Variants in DELE1 observed in about 807,000 individuals in gnomAD.
The protein encoded by DELE1 is death ligand signal enhancer.
A neutral mutation model predicts 59.3 loss-of-function variants in DELE1; 54 were observed. The observed-to-expected ratio is 0.91, with a 90% confidence interval of 0.73 to 1.14. The LOEUF is 1.14. DELE1 is among the 50% of genes most tolerant of loss of function. DELE1 has a pLI of 0.00. For missense variants in DELE1, 636 were observed against 643.9 expected, an observed-to-expected ratio of 0.99 and a Z score of 0.13; for synonymous variants, 264 against 259.1, an observed-to-expected ratio of 1.02 and a Z score of -0.18.
chr5:141,940,547 C>T lies in DELE1; in HGVS notation c.*1788C>T, dbSNP rs1596630560. On this transcript the variant is annotated 3_prime_UTR_variant, in exon 12 of 12. Coordinates refer to ENST00000432126, the MANE Select transcript of DELE1 (RefSeq NM_014773.5). Reference sequence around the variant, plus strand: ...TCCACGTTTCCCTCTCTGCTTCCCACCCCATCTCTCTCAACTTCTTAGTGG... The same window carrying T: ...TCCACGTTTCCCTCTCTGCTTCCCATCCCATCTCTCTCAACTTCTTAGTGG... The T allele has an allele frequency of 1.0e-6, 1 of 985,474 alleles. No homozygotes were observed. The highest frequency in any genetic ancestry group is 5.2e-4 in the Middle Eastern group (1 of 1,916). The allele number at this position is 985,474 out of a possible 1,614,324, so 61.0% of individuals were successfully genotyped here.
chr5:141,941,669 C>T lies in DELE1; in HGVS notation c.*2910C>T, dbSNP rs776412799. Reference sequence around the variant, plus strand: ...AATGAGACCTTTGTGGGAAGCTCTACTGCCTCAGTTTCCCTATCCGGAGAT... The same window carrying T: ...AATGAGACCTTTGTGGGAAGCTCTATTGCCTCAGTTTCCCTATCCGGAGAT... On this transcript the variant is annotated 3_prime_UTR_variant, in exon 12 of 12. Transcript: ENST00000432126. 1 of 985,448 alleles carries T rather than the reference C, an allele frequency of 1.0e-6. No homozygotes were observed. The allele number at this position is 985,448 out of a possible 1,614,324, so 61.0% of individuals were successfully genotyped here.
At position 141,939,622 on chromosome 5, in the gene DELE1, A is replaced by G. The variant is rs985369044; in HGVS notation, c.*863A>G. On this transcript the variant is annotated 3_prime_UTR_variant, in exon 12 of 12. Coordinates refer to ENST00000432126, the MANE Select transcript of DELE1 (RefSeq NM_014773.5). ...GAGAGATATCACAATTTGAGTCCCA[A>G]AGAAGAGGCCAGATACCCACCCACC... The G allele has an allele frequency of 1.2e-5, 12 of 985,732 alleles. No homozygotes were observed. The highest frequency in any genetic ancestry group is 8.4e-6 in the Non-Finnish European group (7 of 829,968). 61.1% of individuals were successfully genotyped at this position (985,732 alleles called of 1,614,324 possible). A position where few individuals can be genotyped will look rare whatever the true frequency, so the allele number is the denominator to read the frequency against.
chr5:141,928,240 C>T lies in DELE1; in HGVS notation c.354C>T (p.Cys118=), dbSNP rs2126871400. The T allele has an allele frequency of 1.2e-6, 2 of 1,614,246 alleles. No homozygotes were observed. Among genetic ancestry groups the T allele is most frequent in the East Asian group, 2.2e-5 (1 of 44,888 alleles). ...LPAGPQRVEH[C]SWHSPLDRFF... Reference sequence around the variant, plus strand: ...CAGGACCTCAGCGGGTAGAACACTGCTCCTGGCACAGTCCCCTGGACCGTT... The same window carrying T: ...CAGGACCTCAGCGGGTAGAACACTGTTCCTGGCACAGTCCCCTGGACCGTT... Residue 118 remains cysteine (C), a synonymous_variant, in exon 4 of 12, where the codon TGC becomes TGT. Coordinates refer to ENST00000432126, the MANE Select transcript of DELE1 (RefSeq NM_014773.5).
intron 3 of DELE1, among the ~76,000 whole-genome samples, chr5:141,927,689 G>T (rs966330605): frequency 1.3e-5 from 2 of 152,190 alleles, no homozygotes; most frequent in African/African-American, 2.4e-5. Flanking sequence ...AGGAGGGGTT[G>T]TGCAAGACTG....
In DELE1 at chr5:141,930,266, A is replaced by G. The variant is rs1247724509; in HGVS notation, c.746A>G (p.Asn249Ser). 5 of 1,612,300 alleles carry G rather than the reference A, an allele frequency of 3.1e-6. No individual in the cohort carries two copies. The highest frequency in any genetic ancestry group is 2.2e-5 in the South Asian group (2 of 91,042). Residue 249 changes from asparagine (N) to serine (S), a missense_variant, in exon 7 of 12, where the codon AAC (asparagine) becomes AGC (serine). Asn to Ser is a conservative substitution (Grantham distance 46, BLOSUM62 1). Coordinates refer to ENST00000432126, the MANE Select transcript of DELE1 (RefSeq NM_014773.5). ...LFQLSVSIAF[N>S]FLGTENMKSG... ...CAGCTCAGTGTTTCCATCGCTTTCA[A>G]CTTCCTGGGTAACCAAATGGACCCT...
Position 141,941,136 on chromosome 5 carries a change from C to T in DELE1, c.*2377C>T, listed in dbSNP as rs114732558. On this transcript the variant is annotated 3_prime_UTR_variant, in exon 12 of 12. Coordinates refer to ENST00000432126, the MANE Select transcript of DELE1 (RefSeq NM_014773.5). ...GAGCCCCACTCCCCAGCCTCCTCCCCTCTGTGGTCATTTTGGATTTTCTGA... is the reference window on the plus strand; with the variant it reads ...GAGCCCCACTCCCCAGCCTCCTCCCTTCTGTGGTCATTTTGGATTTTCTGA... 6.2e-4 allele frequency: 613 copies of T among 985,492 alleles called. 2 individuals carry two copies. The African/African-American group carries it at 9.6e-3, about 16-fold the overall frequency. 61.0% of individuals were successfully genotyped at this position (985,492 alleles called of 1,614,324 possible).
chr5:141,933,106 AAAAAAATATATAT>A (rs1457000642), intron 7 of DELE1, among the ~76,000 whole-genome samples, 140 bp from the exon 8 acceptor site: 1 of 137,538 alleles, frequency 7.3e-6, no homozygotes, highest in African/African-American at 2.9e-5. Context: ...AAAAAAAAAA[AAAAAAATATATAT>A]ATATATATAT....
At chr5:141,924,527 A>G (rs969073207) in intron 1 of DELE1, 54 bp from the exon 2 acceptor site, 2 of 999,648 alleles carry the variant, frequency 2.0e-6, no homozygotes, top group Admixed American at 1.7e-5. Flanking sequence ...GAGGCAGATG[A>G]CAGTGATTCC....
intron 7 of DELE1, among the ~76,000 whole-genome samples, chr5:141,930,974 A>G (rs1438280760): frequency 2.6e-5 from 4 of 152,246 alleles, no homozygotes; most frequent in Non-Finnish European, 4.4e-5. Flanking sequence ...TACTGGGGAT[A>G]CAGTGATTTA....
At chr5:141,924,059 A>C in intron 1 of DELE1, 87 bp downstream of exon 1, 11 of 1,529,424 alleles carry the variant, frequency 7.2e-6, no homozygotes, top group Non-Finnish European at 9.8e-6. Flanking sequence ...AGCCGAAGCG[A>C]TCGTGGGCCG....
intron 10 of DELE1, 168 bp downstream of exon 10, chr5:141,934,754 C>T (rs955237400): frequency 3.1e-6 from 2 of 644,488 alleles, no homozygotes. Flanking sequence ...TGGGCAGTTG[C>T]AGTAGTACGC....
In DELE1 at chr5:141,941,393, A is replaced by T; in HGVS notation, c.*2634A>T. 1.0e-6 allele frequency: 1 copy of T among 985,516 alleles called. No homozygotes were observed. The highest frequency in any genetic ancestry group is 1.2e-6 in the Non-Finnish European group (1 of 829,994). The allele number at this position is 985,516 out of a possible 1,614,324, so 61.0% of individuals were successfully genotyped here. A position where few individuals can be genotyped will look rare whatever the true frequency, so the allele number is the denominator to read the frequency against. On this transcript the variant is annotated 3_prime_UTR_variant, in exon 12 of 12. Coordinates refer to ENST00000432126, the MANE Select transcript of DELE1 (RefSeq NM_014773.5). Reference sequence around the variant, plus strand: ...TCCTGTGGAAAGGGAAGGATGGCAGAGTCGTGAGAAAGGTGTTGTCAAGGG... The same window carrying T: ...TCCTGTGGAAAGGGAAGGATGGCAGTGTCGTGAGAAAGGTGTTGTCAAGGG...
At chr5:141,929,795 G>A in intron 5 of DELE1, 55 bp downstream of exon 5, 2 of 1,599,522 alleles carry the variant, frequency 1.3e-6, no homozygotes, top group Non-Finnish European at 8.5e-7. Flanking sequence ...GTGGTGAGCT[G>A]GGCAAGATGG....
rs746115610 is a variant in DELE1, at chr5:141,924,637, C to T, written c.88C>T (p.Pro30Ser). ...LWRVTPKSTS[P>S]DGPQTTSSTL... ...GAGGGTGACTCCTAAGTCCACCAGC[C>T]CAGATGGGCCTCAGACTACCTCCTC... The change falls in exon 2 of 12, where the codon CCA (proline) becomes TCA (serine). Residue 30 changes from proline to serine, a missense_variant. Pro to Ser is a moderately conservative substitution (Grantham distance 74, BLOSUM62 -1). Coordinates refer to ENST00000432126, the MANE Select transcript of DELE1 (RefSeq NM_014773.5). 6.2e-7 allele frequency: 1 copy of T among 1,614,146 alleles called. No homozygotes were observed. Among genetic ancestry groups the T allele is most frequent in the Non-Finnish European group, 8.5e-7 (1 of 1,179,980 alleles).
rs779331372 is a variant in DELE1 at position 141,934,363 on chromosome 5, T to C, written c.1021T>C (p.Leu341=). The change falls in exon 9 of 12, where the codon TTG becomes CTG. Residue 341 remains leucine, a synonymous_variant. Transcript: ENST00000432126. ...CCCTGAGCGGCAGAGGGCAGTGTCC[T>C]TGCTGAAGCAGGCTGCAGACTCAGG... ...WNPERQRAVS[L]LKQAADSGLR... 2 of 1,614,216 alleles carry C rather than the reference T, an allele frequency of 1.2e-6. No homozygotes were observed. Among genetic ancestry groups the C allele is most frequent in the Non-Finnish European group, 1.7e-6 (2 of 1,180,038 alleles).
intron 7 of DELE1, among the ~76,000 whole-genome samples, chr5:141,932,932 T>C (rs1309265033): frequency 6.6e-6 from 1 of 151,534 alleles, no homozygotes; most frequent in African/African-American, 2.4e-5. Context: ...CCATCTCTAC[T>C]AAAAATACAA....
chr5:141,924,732 T>G, intron 2 of DELE1, 37 bp downstream of exon 2: 1 of 1,253,344 alleles, frequency 8.0e-7, no homozygotes, highest in Non-Finnish European at 1.2e-6. Context: ...TTTCCTCCCC[T>G]AGTCACCCTT....
chr5:141,939,249 A>AAAAATATGAT lies in DELE1; in HGVS notation c.*490_*491insAAAATATGAT. ...TATAATATAAAAATATGATTAGCATATTGACCTGTAGTTTGATAGATGTTC... is the reference window on the plus strand; with the variant it reads ...TATAATATAAAAATATGATTAGCATAAAAATATGATTTGACCTGTAGTTTGATAGATGTTC... On this transcript the variant is annotated 3_prime_UTR_variant, in exon 12 of 12. Transcript: ENST00000432126. The AAAAATATGAT allele has an allele frequency of 1.8e-6, 1 of 555,110 alleles. No homozygotes were observed. The highest frequency in any genetic ancestry group is 2.3e-6 in the Non-Finnish European group (1 of 437,402). The allele number at this position is 555,110 out of a possible 1,614,324, so 34.4% of individuals were successfully genotyped here.
In DELE1 at chr5:141,941,265, C is replaced by T. The variant is rs1400712774; in HGVS notation, c.*2506C>T. ...TGCAGCCCTCCCTGAGTGGCTCTCCCTCCCACTCAGTCACTACTGAGCTAA... is the reference window on the plus strand; with the variant it reads ...TGCAGCCCTCCCTGAGTGGCTCTCCTTCCCACTCAGTCACTACTGAGCTAA... On this transcript the variant is annotated 3_prime_UTR_variant, in exon 12 of 12. Coordinates refer to ENST00000432126, the MANE Select transcript of DELE1 (RefSeq NM_014773.5). 2 of 985,388 alleles carry T rather than the reference C, an allele frequency of 2.0e-6. No individual in the cohort carries two copies. The highest frequency in any genetic ancestry group is 3.5e-5 in the African/African-American group (2 of 57,250). The allele number at this position is 985,388 out of a possible 1,614,324, so 61.0% of individuals were successfully genotyped here. A position where few individuals can be genotyped will look rare whatever the true frequency, so the allele number is the denominator to read the frequency against.
Sources: gnomAD v4.1 joint callset for allele counts (sites outside exome capture counted in the v4.1 genomes callset) on GRCh38, gnomAD v4.1.1 for gene constraint, MANE v1.5 for transcripts, NCBI Gene and HGNC (gene_info 2026-07-23, HGNC 2026-07-21) for gene names.